Variants in SENP6 observed in about 807,000 individuals in gnomAD.
SENP6 encodes SUMO specific peptidase 6.
In SENP6, 41 loss-of-function variants were observed where a neutral mutation model predicts 134.5. The ratio of observed to expected loss-of-function variants is 0.30; its 90% CI spans 0.24 to 0.40. The LOEUF is 0.40. SENP6 is among the 10% of genes least tolerant of loss of function. The probability of loss-of-function intolerance (pLI) is 1.00; values close to 1 mark genes in which losing one functional copy is unlikely to be tolerated. For missense variants in SENP6, 1,248 were observed against 1,312.5 expected, an observed-to-expected ratio of 0.95 and a Z score of 0.76; for synonymous variants, 395 against 429.8, an observed-to-expected ratio of 0.92 and a Z score of 1.00.
chr6:75,689,077 T>G (rs1420078581), intron 16 of SENP6, among the ~76,000 whole-genome samples: 3 of 151,662 alleles, frequency 2.0e-5, no homozygotes, highest in African/African-American at 7.3e-5. Context: ...AAGAAAAAAA[T>G]TCAGCTGGGC....
intron 16 of SENP6, among the ~76,000 whole-genome samples, chr6:75,693,798 C>T (rs1427127510): frequency 6.6e-6 from 1 of 152,164 alleles, no homozygotes; most frequent in East Asian, 1.9e-4. Flanking sequence ...AGACTGTCCT[C>T]ATTTTGATAA....
At chr6:75,696,482 G>T (rs1774672644) in intron 17 of SENP6, among the ~76,000 whole-genome samples, 1 of 151,888 alleles carries the variant, frequency 6.6e-6, no homozygotes, top group African/African-American at 2.4e-5. Context: ...GGCCTGATTT[G>T]TTTTCTTTTT....
chr6:75,702,218 C>CTTT (rs200531593), intron 18 of SENP6, among the ~76,000 whole-genome samples: 4 of 133,420 alleles, frequency 3.0e-5, no homozygotes, highest in African/African-American at 1.1e-4. Context: ...AAAAAATAGG[C>CTTT]TTTTTTTTTT....
intron 19 of SENP6, among the ~76,000 whole-genome samples, chr6:75,707,355 CTTTTTTTTTTTTTTTTT>C (rs10564996): frequency 1.6e-4 from 12 of 74,692 alleles, no homozygotes; most frequent in African/African-American, 4.7e-4. Flanking sequence ...TCTTCTTCTT[CTTTTTTTTTTTTTTTTT>C]TTTTTTTTTG....
rs780439657 is a variant in SENP6, at chr6:75,623,923, A to C, written c.170A>C (p.Asp57Ala). The stretch of plus-strand genomic sequence containing the variant: ...AGTGGGACAAATCTGCTCAGTGTGG[A>C]TGAAGATGAGGATTCTGAAACCTCA... ...DKDGTNLLSV[D>A]EDEDSETSKG... The change falls in exon 3 of 24, where the codon GAT becomes GCT. Residue 57 changes from aspartate (D) to alanine (A), a missense_variant. Physicochemically the swap from Asp to Ala is moderately radical, Grantham distance 126 (BLOSUM62 -2). Coordinates refer to ENST00000447266, the MANE Select transcript of SENP6 (RefSeq NM_015571.4). 1 of 1,609,070 alleles carries C rather than the reference A, an allele frequency of 6.2e-7. No individual in the cohort carries two copies.
At chr6:75,619,960 G>C (rs958225066) in intron 1 of SENP6, among the ~76,000 whole-genome samples, 1 of 151,854 alleles carries the variant, frequency 6.6e-6, no homozygotes, top group African/African-American at 2.4e-5. Context: ...GAGCATGGTG[G>C]CATGTGTCTG....
intron 5 of SENP6, among the ~76,000 whole-genome samples, chr6:75,639,484 T>G (rs1769864327): frequency 6.6e-6 from 1 of 152,138 alleles, no homozygotes; most frequent in Non-Finnish European, 1.5e-5. Context: ...AGTTGCATAC[T>G]CCACATGATA....
intron 6 of SENP6, among the ~76,000 whole-genome samples, chr6:75,645,662 C>T (rs1458634641): frequency 6.6e-6 from 1 of 152,024 alleles, no homozygotes; most frequent in Non-Finnish European, 1.5e-5. Context: ...TTTAGATCAT[C>T]TAGCAAAAAG....
intron 14 of SENP6, 158 bp downstream of exon 14, chr6:75,677,414 A>C (rs1773165707): frequency 6.5e-6 from 4 of 614,252 alleles, no homozygotes; most frequent in Non-Finnish European, 1.1e-5. Flanking sequence ...ACCTTGTGTC[A>C]AAACAGTGGT....
At chr6:75,638,855 C>T (rs1398005333) in intron 5 of SENP6, among the ~76,000 whole-genome samples, 2 of 151,238 alleles carry the variant, frequency 1.3e-5, no homozygotes, top group African/African-American at 2.4e-5. Flanking sequence ...CCCAGGAGTT[C>T]GAGACCAGCC....
Position 75,663,401 on chromosome 6 carries a change from G to C in SENP6, c.877G>C (p.Asp293His), listed in dbSNP as rs1450198128. ...AATTGATATTATTGTGAATTGTGAT[G>C]ACAGTAAACACACTTATTTACAGAC... ...VPIDIIVNCD[D>H]SKHTYLQTNG... Residue 293 changes from aspartate (D) to histidine (H), a missense_variant, in exon 9 of 24, where the codon GAC (aspartate) becomes CAC (histidine). By Grantham distance (81) the Asp-to-His change is moderately conservative. Around this residue, in one of 3 missense-constraint regions of SENP6, gnomAD observed 733 missense variants for 725.4 expected, o/e 1.01. Coordinates refer to ENST00000447266, the MANE Select transcript of SENP6 (RefSeq NM_015571.4). 6.2e-7 allele frequency: 1 copy of C among 1,613,708 alleles called. No homozygotes were observed. Among genetic ancestry groups the C allele is most frequent in the Admixed American group, 1.7e-5 (1 of 60,002 alleles).
chr6:75,679,026 C>T (rs915965989), intron 16 of SENP6, 99 bp downstream of exon 16: 2 of 638,994 alleles, frequency 3.1e-6, no homozygotes, highest in Non-Finnish European at 2.8e-6. Context: ...TTTTAAATTC[C>T]ATCTCTGCCA....
intron 5 of SENP6, chr6:75,635,024 G>T: frequency 1.6e-6 from 1 of 634,010 alleles, no homozygotes; most frequent in Non-Finnish European, 2.9e-6. Context: ...TTTTCACTAA[G>T]ACCTGTTGTA....
intron 7 of SENP6, among the ~76,000 whole-genome samples, chr6:75,654,809 T>C (rs1241645261): frequency 6.6e-6 from 1 of 152,210 alleles, no homozygotes; most frequent in Non-Finnish European, 1.5e-5. Flanking sequence ...CAACTTCTAT[T>C]ATGAAAATGT....
At chr6:75,627,920 C>T (rs537383805) in intron 3 of SENP6, among the ~76,000 whole-genome samples, 2 of 152,334 alleles carry the variant, frequency 1.3e-5, no homozygotes, top group East Asian at 3.9e-4. Context: ...GATCTGCCCG[C>T]CTTGGCCTCC....
At position 75,702,815 on chromosome 6, in the gene SENP6, C is replaced by T. The variant is rs34045941; in HGVS notation, c.2459C>T (p.Ala820Val). Residue 820 changes from alanine (A) to valine (V), a missense_variant, in exon 19 of 24, where the codon GCC (alanine) becomes GTC (valine). By Grantham distance (64) the Ala-to-Val change is moderately conservative. This residue lies in a region of SENP6 where 386 missense variants were observed against 395.0 expected (regional missense o/e 0.98). Coordinates refer to ENST00000447266, the MANE Select transcript of SENP6 (RefSeq NM_015571.4). ...GAGAGTTGTTCACAAAACTCTTCTG[C>T]CAAGCCTGTAATTAAGAAGATGCTA... ...EMESCSQNSS[A>V]KPVIKKMLNK... 7.5e-4 allele frequency: 1,217 copies of T among 1,614,026 alleles called. 10 individuals carry two copies. The African/African-American group carries it at 0.015, about 19-fold the overall frequency.
chr6:75,663,192 G>A (rs1223505899), intron 8 of SENP6, 29 bp from the exon 9 acceptor site: 1 of 1,591,582 alleles, frequency 6.3e-7, no homozygotes, highest in Admixed American at 1.9e-5. Context: ...CAGACCAAAT[G>A]CCAAAGTTGT....
intron 1 of SENP6, among the ~76,000 whole-genome samples, chr6:75,620,082 CAAAAAAAAAAAA>C (rs10526946): frequency 3.9e-5 from 5 of 127,834 alleles, no homozygotes; most frequent in South Asian, 2.5e-4. Context: ...TACCTTGCCT[CAAAAAAAAAAAA>C]AAAAAAAAAG....
At chr6:75,711,712 G>A (rs908585582) in intron 21 of SENP6, among the ~76,000 whole-genome samples, 8 of 151,968 alleles carry the variant, frequency 5.3e-5, no homozygotes, top group Non-Finnish European at 8.8e-5. Context: ...TTGCTCTGTC[G>A]CCCAGGCTGG....
Sources: gnomAD v4.1 joint callset for allele counts (sites outside exome capture counted in the v4.1 genomes callset) on GRCh38, gnomAD v4.1.1 for gene constraint, gnomAD v4.1.1 regional missense constraint, MANE v1.5 for transcripts, NCBI Gene and HGNC (gene_info 2026-07-23, HGNC 2026-07-21) for gene names.